Variants in CDS2 observed in about 807,000 individuals in gnomAD.
The protein encoded by CDS2 is CDP-diacylglycerol synthase 2.
CDS2 carries 47 observed loss-of-function variants against 59.0 expected under a neutral mutation model. The observed-to-expected ratio is 0.80, with a 90% CI of 0.63 to 1.02. The LOEUF (loss-of-function observed/expected upper bound fraction) is 1.02. Ranked by LOEUF, CDS2 falls within the 50% of genes least tolerant of loss-of-function variation. CDS2 has a pLI of 0.00. For synonymous variants in CDS2, 207 were observed against 206.4 expected, an observed-to-expected ratio of 1.00 and a Z score of -0.02; for missense variants, 356 against 558.9, an observed-to-expected ratio of 0.64 and a Z score of 3.66.
rs1403963231 is a variant in CDS2, at chr20:5,196,896, G to C, written c.*6662G>C. 1.3e-5 allele frequency: 2 copies of C among 152,528 alleles called. No homozygotes were observed. The highest frequency in any genetic ancestry group is 2.9e-5 in the Non-Finnish European group (2 of 68,102). 9.4% of individuals were successfully genotyped at this position (152,528 alleles called of 1,614,324 possible). On this transcript the variant is annotated 3_prime_UTR_variant, in exon 13 of 13. Coordinates refer to ENST00000460006, the MANE Select transcript of CDS2 (RefSeq NM_003818.4). ...GTCAGGAGAACAAGTCAGGGATTAG[G>C]AGACAGCGGTTTGGTTTATTGTTAT...
chr20:5,129,075 A>G (rs2090580982), intron 1 of CDS2, among the ~76,000 whole-genome samples: 1 of 152,160 alleles, frequency 6.6e-6, no homozygotes. Context: ...GGAGCTGTCC[A>G]GCTAGAGGTG....
At chr20:5,127,258 G>A in intron 1 of CDS2, 109 bp downstream of exon 1, 2 of 1,043,608 alleles carry the variant, frequency 1.9e-6, no homozygotes, top group Non-Finnish European at 2.5e-6. Flanking sequence ...TGTCGCAGCC[G>A]ACGGCGGCCC....
At chr20:5,154,033 CTTGCCTGTAGGCTT>C (rs1412871093) in intron 1 of CDS2, among the ~76,000 whole-genome samples, 1 of 152,142 alleles carries the variant, frequency 6.6e-6, no homozygotes, top group African/African-American at 2.4e-5. Flanking sequence ...CAGTTCCTTC[CTTGCCTGTAGGCTT>C]TTCCTATAGA....
At chr20:5,132,339 C>G (rs2090614210) in intron 1 of CDS2, among the ~76,000 whole-genome samples, 1 of 152,262 alleles carries the variant, frequency 6.6e-6, no homozygotes, top group Admixed American at 6.5e-5. Flanking sequence ...CTCAGGTGAT[C>G]CACCCGCCTT....
chr20:5,190,341 C>A lies in CDS2; in HGVS notation c.*107C>A. The A allele has an allele frequency of 1.9e-4, 128 of 688,500 alleles. No individual in the cohort carries two copies. Among genetic ancestry groups the A allele is most frequent in the Non-Finnish European group, 2.4e-4 (110 of 465,598 alleles). 42.6% of individuals were successfully genotyped at this position (688,500 alleles called of 1,614,324 possible). A position where few individuals can be genotyped will look rare whatever the true frequency, so the allele number is the denominator to read the frequency against. ...CAATGACGAGGCTTCAACTCACTGT[C>A]TTTTTTTTTTTTTTTTGGAGGGTAT... On this transcript the variant is annotated 3_prime_UTR_variant, in exon 13 of 13. Transcript: ENST00000460006.
At chr20:5,149,366 G>T (rs6053159) in intron 1 of CDS2, among the ~76,000 whole-genome samples, 4,053 of 152,168 alleles carry the variant, frequency 0.027, 72 homozygotes, top group East Asian at 0.08. Flanking sequence ...GACTTGTAAG[G>T]TTTTTAAATA....
chr20:5,130,564 G>T (rs2090596559), intron 1 of CDS2, among the ~76,000 whole-genome samples: 1 of 148,064 alleles, frequency 6.8e-6, no homozygotes, highest in South Asian at 2.2e-4. Context: ...ATCACCTGAG[G>T]TCAGGAGTTC....
rs201650625 is a variant in CDS2, at chr20:5,170,253, CA to C, written c.58-3269del. Among the ~76,000 whole-genome samples, 915 of 152,046 alleles carry C rather than the reference CA, an allele frequency of 6.0e-3. 10 individuals carry two copies. Among genetic ancestry groups the C allele is most frequent in the African/African-American group, 0.021 (874 of 41,430 alleles). On this transcript the variant is annotated intron_variant, in intron 1 of 12. Coordinates refer to ENST00000460006, the MANE Select transcript of CDS2 (RefSeq NM_003818.4). ...TGACATCTCCCCACCTCGCTGTGCC[CA>C]GAGGAGCAAACTGATGAATGTGTTC...
At chr20:5,145,822 G>GGTTTT (rs773575866) in intron 1 of CDS2, among the ~76,000 whole-genome samples, 1 of 129,252 alleles carries the variant, frequency 7.7e-6, no homozygotes, top group Non-Finnish European at 1.6e-5. Flanking sequence ...TGCTTTTTGT[G>GGTTTT]TTTTTTTTTT....
chr20:5,134,950 C>T lies in CDS2; in HGVS notation c.57+7801C>T, dbSNP rs372174938. Among the ~76,000 whole-genome samples the T allele has an allele frequency of 2.1e-4, 32 of 152,284 alleles. 1 individual carries two copies. In the South Asian group the frequency reaches 3.5e-3, roughly 17 times the overall value. On this transcript the variant is annotated intron_variant, in intron 1 of 12. Transcript: ENST00000460006. ...AAACAAGAAGATTGTATAAAACCTG[C>T]ACTGTCCTACTAATGTAAAGCATTT...
intron 1 of CDS2, among the ~76,000 whole-genome samples, chr20:5,146,668 C>T (rs1317978632): frequency 6.6e-6 from 1 of 152,182 alleles, no homozygotes; most frequent in African/African-American, 2.4e-5. Flanking sequence ...ATAACTACCA[C>T]TTTGCGTTTA....
At chr20:5,151,009 C>G (rs1448841145) in intron 1 of CDS2, among the ~76,000 whole-genome samples, 1 of 152,192 alleles carries the variant, frequency 6.6e-6, no homozygotes, top group Non-Finnish European at 1.5e-5. Flanking sequence ...CTGTTCCTAG[C>G]ACGTATGGTT....
chr20:5,172,583 A>G (rs2123038656), intron 1 of CDS2, among the ~76,000 whole-genome samples: 1 of 152,152 alleles, frequency 6.6e-6, no homozygotes, highest in African/African-American at 2.4e-5. Context: ...CACGCATTGA[A>G]CTTCCCAGAT....
chr20:5,132,388 G>C (rs1463423290), intron 1 of CDS2, among the ~76,000 whole-genome samples: 1 of 152,112 alleles, frequency 6.6e-6, no homozygotes, highest in Non-Finnish European at 1.5e-5. Flanking sequence ...GTGAGCCACC[G>C]CGCCCGGCCT....
At chr20:5,165,644 G>A (rs1371476646) in intron 1 of CDS2, among the ~76,000 whole-genome samples, 1 of 152,162 alleles carries the variant, frequency 6.6e-6, no homozygotes, top group Non-Finnish European at 1.5e-5. Context: ...AATCTCCTAG[G>A]CTTAGGCGAT....
intron 4 of CDS2, among the ~76,000 whole-genome samples, chr20:5,177,315 T>C (rs865852427): frequency 6.6e-6 from 1 of 151,996 alleles, no homozygotes; most frequent in African/African-American, 2.4e-5. Flanking sequence ...CTAAGACAGA[T>C]GGTTGAGACT....
chr20:5,162,078 G>T (rs2090879819), intron 1 of CDS2, among the ~76,000 whole-genome samples: 1 of 152,164 alleles, frequency 6.6e-6, no homozygotes, highest in Non-Finnish European at 1.5e-5. Flanking sequence ...AAAATAAGTA[G>T]ACTGTACAAG....
chr20:5,178,781 GT>G (rs1446671572), intron 4 of CDS2, 35 bp from the exon 5 acceptor site: 1 of 1,612,794 alleles, frequency 6.2e-7, no homozygotes, highest in African/African-American at 1.3e-5. Context: ...GAAGGCAAGG[GT>G]GCTCCCCACG....
intron 10 of CDS2, 124 bp from the exon 11 acceptor site, chr20:5,188,940 ACCT>A: frequency 8.6e-7 from 1 of 1,168,600 alleles, no homozygotes; most frequent in Admixed American, 1.8e-5. Context: ...TGACCCAAAC[ACCT>A]CCCACTAGGC....
Sources: gnomAD v4.1 joint callset for allele counts (sites outside exome capture counted in the v4.1 genomes callset) on GRCh38, gnomAD v4.1.1 for gene constraint, MANE v1.5 for transcripts, NCBI Gene and HGNC (gene_info 2026-07-23, HGNC 2026-07-21) for gene names.